Variants in OTUD7A observed in about 807,000 individuals in gnomAD.
OTUD7A encodes the protein OTU domain-containing protein 7A.
OTUD7A carries 12 observed loss-of-function variants against 65.7 expected under a neutral mutation model. That is an observed-to-expected ratio of 0.18 (90% CI 0.12 to 0.30). OTUD7A has a LOEUF of 0.30. Among genes scored for constraint, OTUD7A ranks in the 10% least tolerant of loss-of-function variants. The pLI, the probability that OTUD7A is intolerant of heterozygous loss-of-function variation, is 1.00. For missense variants in OTUD7A, 1,148 were observed against 1,304.8 expected, an observed-to-expected ratio of 0.88 and a Z score of 1.85; for synonymous variants, 641 against 586.3, an observed-to-expected ratio of 1.09 and a Z score of -1.35.
At chr15:31,725,073 C>T (rs1351373054) in intron 1 of OTUD7A, among the ~76,000 whole-genome samples, 1 of 152,148 alleles carries the variant, frequency 6.6e-6, no homozygotes, top group Non-Finnish European at 1.5e-5. Flanking sequence ...CTGCTCCAGA[C>T]ACAAAATGAG....
intron 5 of OTUD7A, among the ~76,000 whole-genome samples, chr15:31,552,841 G>A (rs1888369256): frequency 6.6e-6 from 1 of 152,238 alleles, no homozygotes; most frequent in South Asian, 2.1e-4. Context: ...AGCAAGGATG[G>A]GAAGGCAAAC....
intron 1 of OTUD7A, among the ~76,000 whole-genome samples, chr15:31,688,483 G>A (rs1275569347): frequency 6.6e-6 from 1 of 151,834 alleles, no homozygotes; most frequent in Non-Finnish European, 1.5e-5. Flanking sequence ...CAGATAAAAA[G>A]AGGCGTAACT....
In OTUD7A at chr15:31,723,082, G is replaced by T. The variant is rs1255191703; in HGVS notation, c.-99-66005C>A. Among the ~76,000 whole-genome samples, 17 of 152,288 alleles carry T rather than the reference G, an allele frequency of 1.1e-4. 1 individual carries two copies. The highest frequency in any genetic ancestry group is 2.1e-4 in the South Asian group (1 of 4,830). On this transcript the variant is annotated intron_variant, in intron 1 of 12. Coordinates refer to ENST00000307050, the MANE Select transcript of OTUD7A (RefSeq NM_001382637.1). ...GAGGACCATGGGGCAGAAGTCAGGA[G>T]AGTGGAAGATAGGATGCAGGAGGGC...
rs1891956791 is a variant in OTUD7A at position 31,655,270 on chromosome 15, G to A, written c.-4-20C>T. ...ATCCATCTGCAGGAAAGAAGAGAAA[G>A]GGCATTTTACCACGTGATGGAAATG... On this transcript the variant is annotated intron_variant, in intron 2 of 12. Coordinates refer to ENST00000307050, the MANE Select transcript of OTUD7A (RefSeq NM_001382637.1). 1 of 1,137,436 alleles carries A rather than the reference G, an allele frequency of 8.8e-7. No homozygotes were observed. Among genetic ancestry groups the A allele is most frequent in the Non-Finnish European group, 1.3e-6 (1 of 797,030 alleles). The allele number at this position is 1,137,436 out of a possible 1,614,324, so 70.5% of individuals were successfully genotyped here.
At chr15:31,656,459 T>C (rs1257013610) in intron 2 of OTUD7A, among the ~76,000 whole-genome samples, 20 of 152,134 alleles carry the variant, frequency 1.3e-4, no homozygotes, top group Non-Finnish European at 2.2e-4. Context: ...CCTGGCTGAG[T>C]TGAGTAGTTA....
At chr15:31,691,232 A>G (rs1420856634) in intron 1 of OTUD7A, among the ~76,000 whole-genome samples, 1 of 152,232 alleles carries the variant, frequency 6.6e-6, no homozygotes, top group Non-Finnish European at 1.5e-5. Context: ...CAGAAACAGA[A>G]AAAAGCCTGA....
intron 10 of OTUD7A, among the ~76,000 whole-genome samples, chr15:31,488,027 A>C (rs1322123745): frequency 6.6e-6 from 1 of 152,148 alleles, no homozygotes; most frequent in Admixed American, 6.5e-5. Context: ...ATTTTGTGCC[A>C]CAAGTCTGTA....
chr15:31,805,604 T>C (rs1896249056), intron 1 of OTUD7A, among the ~76,000 whole-genome samples: 1 of 152,230 alleles, frequency 6.6e-6, no homozygotes, highest in African/African-American at 2.4e-5. Context: ...CTGACAGATT[T>C]GTAGTTGGCA....
chr15:31,529,610 T>C (rs1440297809), intron 6 of OTUD7A, among the ~76,000 whole-genome samples: 2 of 152,186 alleles, frequency 1.3e-5, no homozygotes, highest in African/African-American at 2.4e-5. Flanking sequence ...CTTTCCTCAC[T>C]GCAGGTCAAG....
chr15:31,698,335 C>A (rs552693444), intron 1 of OTUD7A, among the ~76,000 whole-genome samples: 53 of 152,322 alleles, frequency 3.5e-4, no homozygotes, highest in African/African-American at 1.2e-3. Context: ...TGCAAAGAGA[C>A]CGGCAAGAGG....
At chr15:31,734,618 A>C (rs1323677428) in intron 1 of OTUD7A, among the ~76,000 whole-genome samples, 2 of 152,142 alleles carry the variant, frequency 1.3e-5, no homozygotes, top group Admixed American at 6.6e-5. Flanking sequence ...TCAACCATTT[A>C]ATCTTTGACA....
intron 1 of OTUD7A, among the ~76,000 whole-genome samples, chr15:31,741,905 A>G (rs1305390939): frequency 6.6e-6 from 1 of 152,112 alleles, no homozygotes; most frequent in Non-Finnish European, 1.5e-5. Flanking sequence ...AGGCTTATGA[A>G]AAGAATAATA....
chr15:31,623,642 G>C (rs1385751860), intron 3 of OTUD7A, among the ~76,000 whole-genome samples: 1 of 152,230 alleles, frequency 6.6e-6, no homozygotes, highest in Non-Finnish European at 1.5e-5. Flanking sequence ...GGAGTGACCT[G>C]ATTTTCCAGG....
rs148401069 is a variant in OTUD7A at position 31,488,668 on chromosome 15, T to C, written c.1172-1102A>G. Among the ~76,000 whole-genome samples, 425 of 152,294 alleles carry C rather than the reference T, an allele frequency of 2.8e-3. 2 individuals carry two copies. Among genetic ancestry groups the C allele is most frequent in the African/African-American group, 9.3e-3 (388 of 41,574 alleles). ...CCCATGGTTCATGGCAAGGGTGCCA[T>C]GGCAAGAACAAAAAGGCAAGGAAAT... On this transcript the variant is annotated intron_variant, in intron 10 of 12. Coordinates refer to ENST00000307050, the MANE Select transcript of OTUD7A (RefSeq NM_001382637.1).
chr15:31,565,686 G>A (rs1438995608), intron 4 of OTUD7A, among the ~76,000 whole-genome samples: 1 of 152,192 alleles, frequency 6.6e-6, no homozygotes, highest in East Asian at 1.9e-4. Flanking sequence ...GTAACAGGGG[G>A]GCAGCCACAG....
chr15:31,839,390 G>A (rs954991754), intron 1 of OTUD7A, among the ~76,000 whole-genome samples: 5 of 152,208 alleles, frequency 3.3e-5, no homozygotes, highest in Non-Finnish European at 7.3e-5. Flanking sequence ...GGCCAGGTAA[G>A]CACCTTGAGG....
intron 1 of OTUD7A, among the ~76,000 whole-genome samples, chr15:31,727,021 G>A (rs773088600): frequency 4.6e-5 from 7 of 152,236 alleles, no homozygotes; most frequent in Non-Finnish European, 8.8e-5. Context: ...GACTGAGAGG[G>A]AGACAGGAGG....
chr15:31,500,126 C>T (rs2041445670), intron 10 of OTUD7A, among the ~76,000 whole-genome samples: 1 of 152,184 alleles, frequency 6.6e-6, no homozygotes, highest in African/African-American at 2.4e-5. Context: ...CAGAGGGCCC[C>T]GCCCCTGGCC....
chr15:31,785,245 A>G (rs866921190), intron 1 of OTUD7A, among the ~76,000 whole-genome samples: 2 of 152,224 alleles, frequency 1.3e-5, no homozygotes, highest in Admixed American at 6.5e-5. Flanking sequence ...ACACTGACGC[A>G]TGTAAACCCT....
Sources: gnomAD v4.1 joint callset for allele counts (sites outside exome capture counted in the v4.1 genomes callset) on GRCh38, gnomAD v4.1.1 for gene constraint, MANE v1.5 for transcripts, NCBI Gene and HGNC (gene_info 2026-07-23, HGNC 2026-07-21) for gene names.